Variants in NAPA observed in about 807,000 individuals in gnomAD.
The protein encoded by NAPA is alpha-soluble NSF attachment protein.
Under a neutral mutation model 48.0 loss-of-function variants are expected in NAPA, and 18 were observed. The observed-to-expected ratio is 0.38, with a 90% CI of 0.26 to 0.56. The LOEUF is 0.56. Ranked by LOEUF, NAPA falls within the 20% of genes least tolerant of loss-of-function variation. NAPA has a pLI of 0.77. For synonymous variants in NAPA, 152 were observed against 149.9 expected, an observed-to-expected ratio of 1.01 and a Z score of -0.10; for missense variants, 315 against 385.0, an observed-to-expected ratio of 0.82 and a Z score of 1.52.
intron 4 of NAPA, 90 bp downstream of exon 4, chr19:47,495,460 G>C: frequency 7.1e-7 from 1 of 1,400,138 alleles, no homozygotes; most frequent in South Asian, 1.2e-5. Flanking sequence ...CGCAGAATAA[G>C]AACAGTGCTG....
rs902036889 is a variant in NAPA, at chr19:47,515,030, C to T, written c.-90G>A. ...GGCCGCGGAACACAGATCGGTAAAA[C>T]TCGCCCGGCTGCGTTGACGTCGCAC... is the stretch of plus-strand genomic sequence containing the variant. On this transcript the variant is annotated 5_prime_UTR_variant, in exon 1 of 11. Transcript: ENST00000263354. The T allele has an allele frequency of 1.1e-5, 14 of 1,332,524 alleles. No individual in the cohort carries two copies. In the South Asian group the frequency reaches 1.7e-4, roughly 16 times the overall value. 82.5% of individuals were successfully genotyped at this position (1,332,524 alleles called of 1,614,324 possible).
At chr19:47,508,943 G>A (rs1026891235) in intron 1 of NAPA, among the ~76,000 whole-genome samples, 1 of 152,028 alleles carries the variant, frequency 6.6e-6, no homozygotes, top group Admixed American at 6.6e-5. Context: ...AGGCATGGTG[G>A]CATATGCCTA....
rs1235827698 is a variant in NAPA at position 47,506,034 on chromosome 19, G to C, written c.99-2532C>G. On this transcript the variant is annotated intron_variant, in intron 1 of 10. Coordinates refer to ENST00000263354, the MANE Select transcript of NAPA (RefSeq NM_003827.4). This position sits in a 1 kb window ranked among gnomAD's most constrained non-coding sequence, Gnocchi z 4.0. ...TTTTTTGAGATGGAGTTTCGCTCTT[G>C]TCGCCCAGGCTGGAGTACAGTGGCA... 1.6e-5 allele frequency among the ~76,000 whole-genome samples: 2 copies of C among 122,874 alleles called. No homozygotes were observed. The highest frequency in any genetic ancestry group is 1.6e-5 in the Non-Finnish European group (1 of 61,774). 80.6% of individuals were successfully genotyped at this position (122,874 alleles called of 152,430 possible). A position where few individuals can be genotyped will look rare whatever the true frequency, so the allele number is the denominator to read the frequency against.
chr19:47,499,587 A>G (rs1599906504), intron 3 of NAPA, among the ~76,000 whole-genome samples: 1 of 152,230 alleles, frequency 6.6e-6, no homozygotes, highest in African/African-American at 2.4e-5. Flanking sequence ...GAGCCCCACC[A>G]TGTGACCACT....
At chr19:47,507,147 C>T (rs1651530627) in intron 1 of NAPA, among the ~76,000 whole-genome samples, 2 of 152,122 alleles carry the variant, frequency 1.3e-5, no homozygotes, top group Non-Finnish European at 2.9e-5. Flanking sequence ...CTCCTCCCAT[C>T]CCACGGCTCT....
chr19:47,500,752 G>A lies in NAPA; in HGVS notation c.179-3C>T, dbSNP rs1968556464. The A allele has an allele frequency of 6.2e-7, 1 of 1,600,912 alleles. No individual in the cohort carries two copies. Among genetic ancestry groups the A allele is most frequent in the Non-Finnish European group, 8.5e-7 (1 of 1,173,072 alleles). ...CTGGCAGAACGCGTTTCCAGCAGCT[G>A]GAACAGAAGAGAAGGGCAGTCCTGG... On this transcript the variant is annotated splice_polypyrimidine_tract_variant and splice_region_variant and intron_variant, in intron 2 of 10. Coordinates refer to ENST00000263354, the MANE Select transcript of NAPA (RefSeq NM_003827.4).
intron 9 of NAPA, among the ~76,000 whole-genome samples, chr19:47,490,182 T>C (rs1291757560): frequency 7.1e-6 from 1 of 140,050 alleles, no homozygotes; most frequent in East Asian, 2.1e-4. Context: ...GTGGTGTGTG[T>C]AGTGTGTGTG....
chr19:47,510,445 G>A (rs1229005313), intron 1 of NAPA, among the ~76,000 whole-genome samples: 1 of 152,196 alleles, frequency 6.6e-6, no homozygotes, highest in Non-Finnish European at 1.5e-5. Context: ...ATGACAGTGA[G>A]CCCTTAATAA....
chr19:47,497,882 G>A (rs1478649382), intron 3 of NAPA, among the ~76,000 whole-genome samples: 1 of 152,252 alleles, frequency 6.6e-6, no homozygotes, highest in Non-Finnish European at 1.5e-5. Flanking sequence ...GGGACAAGCA[G>A]GGGCCAGGTC....
At chr19:47,484,610 T>C (rs567217993), downstream of NAPA, 11 of 169,922 alleles carry the variant, frequency 6.5e-5, no homozygotes, top group African/African-American at 1.9e-4. Context: ...ATGAAGGAAT[T>C]GAGGCACAGA....
intron 3 of NAPA, among the ~76,000 whole-genome samples, chr19:47,500,330 G>A (rs1968541538): frequency 6.6e-6 from 1 of 152,186 alleles, no homozygotes; most frequent in South Asian, 2.1e-4. Flanking sequence ...CCGGCAGGCG[G>A]TGGGTCTGCA....
chr19:47,490,242 TTG>T (rs1055041752), intron 9 of NAPA, among the ~76,000 whole-genome samples: 4 of 135,930 alleles, frequency 2.9e-5, no homozygotes, highest in African/African-American at 8.5e-5. Context: ...GCAGTGTGTT[TTG>T]TGTGTGGGGG....
intron 4 of NAPA, among the ~76,000 whole-genome samples, chr19:47,494,439 A>G (rs1250357870): frequency 6.6e-6 from 1 of 151,982 alleles, no homozygotes; most frequent in Non-Finnish European, 1.5e-5. Context: ...GGGCAAGCGG[A>G]GAGGCAAAAA....
chr19:47,490,761 G>C (rs377330182), intron 9 of NAPA, 27 bp downstream of exon 9: 17 of 1,609,520 alleles, frequency 1.1e-5, no homozygotes, highest in Middle Eastern at 1.7e-4. Flanking sequence ...GTTCGGGAAG[G>C]GGGAGGCCGG....
intron 1 of NAPA, among the ~76,000 whole-genome samples, chr19:47,512,501 A>G (rs1445614649): frequency 6.6e-6 from 1 of 152,052 alleles, no homozygotes; most frequent in Non-Finnish European, 1.5e-5. Context: ...GGGCTGACTT[A>G]GCTGCTCCCT....
At chr19:47,509,963 A>T (rs1599920153) in intron 1 of NAPA, among the ~76,000 whole-genome samples, 1 of 152,174 alleles carries the variant, frequency 6.6e-6, no homozygotes, top group Non-Finnish European at 1.5e-5. Flanking sequence ...CAAAAAGGAG[A>T]CGGAAATGTT....
rs1202940174 is a variant in NAPA, at chr19:47,488,241, C to T, written c.*47G>A. 6.5e-7 allele frequency: 1 copy of T among 1,529,390 alleles called. No homozygotes were observed. Among genetic ancestry groups the T allele is most frequent in the Admixed American group, 1.8e-5 (1 of 56,370 alleles). 94.7% of individuals were successfully genotyped at this position (1,529,390 alleles called of 1,614,324 possible). ...CAGCAAGTCTCGGCCCCACCTCTCT[C>T]TGAGCAGATGGGACAGGAAGACGGG... On this transcript the variant is annotated 3_prime_UTR_variant, in exon 11 of 11. Transcript: ENST00000263354.
At chr19:47,504,337 G>A (rs1007287148) in intron 1 of NAPA, among the ~76,000 whole-genome samples, 6 of 133,848 alleles carry the variant, frequency 4.5e-5, no homozygotes, top group Middle Eastern at 4.7e-3. Context: ...AGAGGTTGCA[G>A]TAAGCCAAGA....
intron 2 of NAPA, chr19:47,501,688 G>A (rs1223600732): frequency 2.0e-5 from 3 of 152,272 alleles, no homozygotes; most frequent in Non-Finnish European, 2.9e-5. Context: ...TGGGTCCCAA[G>A]CCATTCTGCC....
Sources: gnomAD v4.1 joint callset for allele counts (sites outside exome capture counted in the v4.1 genomes callset) on GRCh38, gnomAD v4.1.1 for gene constraint, Gnocchi (gnomAD v3.1) non-coding constraint, MANE v1.5 for transcripts, NCBI Gene and HGNC (gene_info 2026-07-23, HGNC 2026-07-21) for gene names.